The following CNTNAP5 variants were observed in gnomAD, a reference collection of about 807,000 sequenced individuals.
CNTNAP5 encodes the protein contactin-associated protein-like 5.
A neutral mutation model predicts 150.2 loss-of-function variants in CNTNAP5; 72 were observed. The ratio of observed to expected loss-of-function variants is 0.48; its 90% confidence interval spans 0.40 to 0.58. CNTNAP5 has a LOEUF of 0.58. CNTNAP5 is among the 20% of genes least tolerant of loss of function. CNTNAP5 has a pLI of 0.00. For synonymous variants in CNTNAP5, 672 were observed against 619.8 expected, an observed-to-expected ratio of 1.08 and a Z score of -1.25; for missense variants, 1,636 against 1,626.2, an observed-to-expected ratio of 1.01 and a Z score of -0.10.
intron 3 of CNTNAP5, among the ~76,000 whole-genome samples, chr2:124,297,811 TTATTATTA>T (rs370657471): frequency 7.1e-3 from 104 of 14,676 alleles, no homozygotes; most frequent in African/African-American, 0.025. Context: ...ATCCAATTAT[TTATTATTA>T]TTATTATTAT....
chr2:124,790,258 T>A, intron 18 of CNTNAP5, 117 bp downstream of exon 18: 2 of 1,134,514 alleles, frequency 1.8e-6, no homozygotes, highest in East Asian at 2.6e-5. Flanking sequence ...TCCCGCTGTT[T>A]AGAGAGTCTG....
intron 1 of CNTNAP5, among the ~76,000 whole-genome samples, chr2:124,035,910 CTTTTTTTTT>C (rs759598012): frequency 9.1e-5 from 7 of 76,528 alleles, no homozygotes; most frequent in African/African-American, 3.4e-4. Context: ...AGGATGAACT[CTTTTTTTTT>C]TTTTTTTTTT....
chr2:124,567,272 ATGC>A lies in CNTNAP5; in HGVS notation c.1756+3955_1756+3957del, dbSNP rs1696046510. On this transcript the variant is annotated intron_variant, in intron 11 of 23. Coordinates refer to ENST00000682447, the MANE Select transcript of CNTNAP5 (RefSeq NM_001367498.1). ...AATTCCCAAAGCGTGTAGACACAGC[ATGC>A]TGCTGTCGAAAGTAGAGATATCTTC... 2.0e-5 allele frequency among the ~76,000 whole-genome samples: 3 copies of A among 152,292 alleles called. No homozygotes were observed. The South Asian group carries it at 6.2e-4, about 32-fold the overall frequency.
chr2:124,824,152 A>C (rs915260739), intron 19 of CNTNAP5, among the ~76,000 whole-genome samples: 1 of 151,890 alleles, frequency 6.6e-6, no homozygotes, highest in African/African-American at 2.4e-5. Flanking sequence ...TCTTGACCTT[A>C]GGTGATCTGC....
intron 7 of CNTNAP5, among the ~76,000 whole-genome samples, chr2:124,475,316 T>C (rs1340251346): frequency 6.6e-6 from 1 of 152,066 alleles, no homozygotes; most frequent in Non-Finnish European, 1.5e-5. Context: ...AAACTTTTAG[T>C]GTGTTTGAGA....
At chr2:124,903,923 G>A (rs1678471427) in intron 22 of CNTNAP5, among the ~76,000 whole-genome samples, 1 of 151,798 alleles carries the variant, frequency 6.6e-6, no homozygotes, top group South Asian at 2.1e-4. Context: ...CCGTGGTGGT[G>A]GGCACCTGTA....
intron 3 of CNTNAP5, among the ~76,000 whole-genome samples, chr2:124,327,258 G>A (rs979318985): frequency 1.1e-4 from 16 of 151,986 alleles, no homozygotes; most frequent in African/African-American, 3.9e-4. Context: ...GGGATTACAG[G>A]CATGAGCCAC....
chr2:124,270,596 G>A (rs17665763), intron 3 of CNTNAP5, among the ~76,000 whole-genome samples: 11,574 of 152,236 alleles, frequency 0.076, 601 homozygotes, highest in Non-Finnish European at 0.12. Context: ...AAGTTTTTAA[G>A]GTTCTGTAAG....
intron 1 of CNTNAP5, among the ~76,000 whole-genome samples, chr2:124,036,314 G>C (rs984416990): frequency 1.8e-4 from 27 of 152,150 alleles, no homozygotes; most frequent in Middle Eastern, 3.4e-3. Context: ...AAGGGAAAAG[G>C]AAACCCACAG....
chr2:124,619,582 A>T (rs1258363237), intron 12 of CNTNAP5, among the ~76,000 whole-genome samples: 1 of 151,994 alleles, frequency 6.6e-6, no homozygotes, highest in Non-Finnish European at 1.5e-5. Context: ...TGAGATAAAC[A>T]TTTAAATCAG....
intron 1 of CNTNAP5, among the ~76,000 whole-genome samples, chr2:124,043,482 C>T (rs1681444314): frequency 6.6e-6 from 1 of 152,168 alleles, no homozygotes; most frequent in Non-Finnish European, 1.5e-5. Flanking sequence ...ATAGCCACCA[C>T]ACTTCTCTCA....
At chr2:124,038,667 T>TCATAGCGGCTTTGAAGA (rs1681285319) in intron 1 of CNTNAP5, among the ~76,000 whole-genome samples, 1 of 152,198 alleles carries the variant, frequency 6.6e-6, no homozygotes, top group Non-Finnish European at 1.5e-5. Flanking sequence ...ATATGTAAAA[T>TCATAGCGGCTTTGAAGA]AAATTACAAG....
chr2:124,865,977 T>C (rs1365764765), intron 20 of CNTNAP5, among the ~76,000 whole-genome samples: 3 of 149,698 alleles, frequency 2.0e-5, no homozygotes, highest in South Asian at 4.2e-4. Context: ...GAAATACAGA[T>C]TATTGGCTAG....
At chr2:124,125,884 T>C (rs996255854) in intron 1 of CNTNAP5, among the ~76,000 whole-genome samples, 1 of 152,062 alleles carries the variant, frequency 6.6e-6, no homozygotes, top group Non-Finnish European at 1.5e-5. Flanking sequence ...AGACACAACA[T>C]ACCAGAATCT....
At chr2:124,780,180 A>G (rs990091039) in intron 17 of CNTNAP5, among the ~76,000 whole-genome samples, 1 of 152,148 alleles carries the variant, frequency 6.6e-6, no homozygotes, top group Admixed American at 6.5e-5. Context: ...TCAAACATTG[A>G]ATGCAGCAAT....
chr2:124,220,966 G>C (rs989125773), intron 1 of CNTNAP5, among the ~76,000 whole-genome samples: 2 of 152,050 alleles, frequency 1.3e-5, no homozygotes, highest in Non-Finnish European at 2.9e-5. Flanking sequence ...CAACCCGGAG[G>C]GGTATATCTA....
At chr2:124,872,126 A>G (rs1478167151) in intron 21 of CNTNAP5, among the ~76,000 whole-genome samples, 1 of 151,996 alleles carries the variant, frequency 6.6e-6, no homozygotes, top group East Asian at 1.9e-4. Flanking sequence ...TCAATGAATC[A>G]TTTCTTATTG....
chr2:124,871,841 G>A (rs943098975), intron 21 of CNTNAP5, among the ~76,000 whole-genome samples: 2 of 151,938 alleles, frequency 1.3e-5, no homozygotes, highest in Non-Finnish European at 2.9e-5. Context: ...TATGTCATAT[G>A]TATCTATGTA....
intron 11 of CNTNAP5, among the ~76,000 whole-genome samples, chr2:124,581,257 G>A (rs977275119): frequency 7.2e-5 from 11 of 152,142 alleles, no homozygotes; most frequent in African/African-American, 2.4e-4. Flanking sequence ...ATCATTTCAG[G>A]TTTCTTAATT....
Sources: allele counts gnomAD v4.1 joint callset (sites outside exome capture counted in the v4.1 genomes callset), GRCh38; gene constraint gnomAD v4.1.1; transcripts MANE v1.5; gene names NCBI Gene and HGNC (gene_info 2026-07-23, HGNC 2026-07-21).